The following SIPA1L1 variants were observed in gnomAD, a reference collection of about 807,000 sequenced individuals.
SIPA1L1 encodes the protein signal induced proliferation associated 1 like 1, also known as signal-induced proliferation-associated 1-like protein 1.
SIPA1L1 carries 26 observed loss-of-function variants against 162.7 expected under a neutral mutation model. The observed-to-expected ratio is 0.16, with a 90% CI of 0.12 to 0.22. The LOEUF is 0.22. Ranked by LOEUF, SIPA1L1 falls within the 10% of genes least tolerant of loss-of-function variation. The pLI is 1.00. For synonymous variants in SIPA1L1, 829 were observed against 837.4 expected (o/e 0.99, Z 0.17); for missense variants, 1,874 against 2,241.0 (o/e 0.84, Z 3.31).
intron 4 of SIPA1L1, among the ~76,000 whole-genome samples, chr14:71,583,531 G>C (rs971093141): frequency 6.6e-6 from 1 of 151,982 alleles, no homozygotes; most frequent in African/African-American, 2.4e-5. Flanking sequence ...TTCACAACAG[G>C]AACTGTAGTG....
intron 22 of SIPA1L1, 46 bp from the exon 23 acceptor site, chr14:71,738,195 G>T: frequency 4.1e-6 from 3 of 735,770 alleles, no homozygotes; most frequent in Non-Finnish European, 4.4e-6. Context: ...AACAAACCCA[G>T]CCATGGAGGC....
intron 13 of SIPA1L1, among the ~76,000 whole-genome samples, chr14:71,691,928 T>G (rs1036092920): frequency 9.2e-5 from 14 of 152,242 alleles, no homozygotes; most frequent in African/African-American, 3.4e-4. Flanking sequence ...TTTGTCCATT[T>G]CTTTAAACTT....
rs559628474 is a variant in SIPA1L1 at position 71,619,079 on chromosome 14, CAG to C, written c.1629+194_1629+195del. ...TTAGATCTGGACCTCTTCTTTTCAT[CAG>C]ACTCTGAATAGATGCAGTCTATGAA... On this transcript the variant is annotated intron_variant, in intron 6 of 23. Coordinates refer to ENST00000381232, the MANE Select transcript of SIPA1L1 (RefSeq NM_001386936.1). Among the ~76,000 whole-genome samples, 548 of 152,158 alleles carry C rather than the reference CAG, an allele frequency of 3.6e-3. 1 individual carries two copies. The highest frequency in any genetic ancestry group is 0.012 in the African/African-American group (500 of 41,520).
chr14:71,486,743 C>A (rs2048791299), intron 2 of SIPA1L1, among the ~76,000 whole-genome samples: 1 of 152,040 alleles, frequency 6.6e-6, no homozygotes, highest in Non-Finnish European at 1.5e-5. Flanking sequence ...AATTATTTCC[C>A]AGGTCATTTC....
rs570442284 is a variant in SIPA1L1 at position 71,340,582 on chromosome 14, C to T, written c.-465+19401C>T. ...GCTTTCCGATGCTCCCCTAGTTTTC[C>T]GATGCTCCCCTAACTTTCTGATGCT... On this transcript the variant is annotated intron_variant, in intron 2 of 23. Transcript: ENST00000381232. 5.9e-5 allele frequency among the ~76,000 whole-genome samples: 9 copies of T among 152,236 alleles called. No individual in the cohort carries two copies. In the East Asian group the frequency reaches 9.6e-4, roughly 16 times the overall value.
intron 5 of SIPA1L1, among the ~76,000 whole-genome samples, chr14:71,603,124 G>T (rs1229766735): frequency 6.6e-6 from 1 of 151,992 alleles, no homozygotes; most frequent in South Asian, 2.1e-4. Flanking sequence ...CTCTTACTTT[G>T]TTTGACTTAA....
At chr14:71,654,682 A>C (rs1206106061) in intron 8 of SIPA1L1, among the ~76,000 whole-genome samples, 1 of 152,238 alleles carries the variant, frequency 6.6e-6, no homozygotes, top group Non-Finnish European at 1.5e-5. Context: ...GAGGCAGATC[A>C]TGTGATTGTC....
At chr14:71,555,046 G>A (rs571591105) in intron 4 of SIPA1L1, among the ~76,000 whole-genome samples, 1 of 152,120 alleles carries the variant, frequency 6.6e-6, no homozygotes, top group Non-Finnish European at 1.5e-5. Context: ...AGGGCCCTAC[G>A]ATTTTCAGAT....
chr14:71,704,957 G>A (rs1373528185), intron 15 of SIPA1L1: 20 of 631,856 alleles, frequency 3.2e-5, no homozygotes, highest in African/African-American at 9.1e-5. Context: ...ACTTTGCTGC[G>A]TTGTTCATGG....
chr14:71,691,360 G>A (rs1238700986), intron 13 of SIPA1L1, among the ~76,000 whole-genome samples: 1 of 152,178 alleles, frequency 6.6e-6, no homozygotes, highest in African/African-American at 2.4e-5. Flanking sequence ...GGGAGGCCAA[G>A]GCTGGTGCAT....
intron 19 of SIPA1L1, among the ~76,000 whole-genome samples, chr14:71,726,117 C>T (rs1259104406): frequency 6.6e-6 from 1 of 152,162 alleles, no homozygotes; most frequent in Non-Finnish European, 1.5e-5. Context: ...ACTGAATGTA[C>T]CCCCAAGGAC....
rs759169137 is a variant in SIPA1L1 at position 71,724,831 on chromosome 14, T to A, written c.4610T>A (p.Phe1537Tyr). 6.2e-6 allele frequency: 10 copies of A among 1,613,884 alleles called. No individual in the cohort carries two copies. The highest frequency in any genetic ancestry group is 8.5e-6 in the Non-Finnish European group (10 of 1,179,946). The stretch of plus-strand genomic sequence containing the variant: ...CCAACTCCTGAATCACAGAAGAGTT[T>A]TAAGGTACAAGACAGAGCTCAGGGT... ...ESPTPESQKS[F>Y]KFHALSSPQS... Residue 1537 changes from phenylalanine to tyrosine, a missense_variant, in exon 19 of 24, where the codon TTT (phenylalanine) becomes TAT (tyrosine). Phe to Tyr is a conservative substitution (Grantham distance 22). This residue lies in a region of SIPA1L1 where 936 missense variants were observed against 1,051.9 expected (regional missense o/e 0.89). Transcript: ENST00000381232.
At chr14:71,345,345 A>C (rs1447667749) in intron 2 of SIPA1L1, among the ~76,000 whole-genome samples, 4 of 152,196 alleles carry the variant, frequency 2.6e-5, no homozygotes, top group African/African-American at 9.6e-5. Flanking sequence ...TCCTATATGC[A>C]GTGCACTGTG....
chr14:71,618,965 A>C, intron 6 of SIPA1L1, 78 bp downstream of exon 6: 1 of 1,468,424 alleles, frequency 6.8e-7, no homozygotes, highest in Middle Eastern at 1.8e-4. Context: ...CAAAGCAATT[A>C]AATTTAATAG....
intron 2 of SIPA1L1, among the ~76,000 whole-genome samples, chr14:71,469,658 C>T (rs2047296105): frequency 6.6e-6 from 1 of 152,164 alleles, no homozygotes; most frequent in African/African-American, 2.4e-5. Context: ...CTGGACTTTA[C>T]TACAGTGTGG....
intron 2 of SIPA1L1, among the ~76,000 whole-genome samples, chr14:71,346,845 C>A (rs2036215700): frequency 6.6e-6 from 1 of 152,146 alleles, no homozygotes; most frequent in South Asian, 2.1e-4. Flanking sequence ...TTAGTTATCA[C>A]CCTCCTGCCT....
chr14:71,376,475 A>G (rs2039381110), intron 2 of SIPA1L1, among the ~76,000 whole-genome samples: 1 of 150,682 alleles, frequency 6.6e-6, no homozygotes, highest in Non-Finnish European at 1.5e-5. Flanking sequence ...GATTTAAGCT[A>G]CTCTTGAAAA....
chr14:71,546,715 G>A (rs937485455), intron 4 of SIPA1L1, among the ~76,000 whole-genome samples: 1 of 152,078 alleles, frequency 6.6e-6, no homozygotes, highest in Non-Finnish European at 1.5e-5. Flanking sequence ...GGTACAATAT[G>A]ACTAACCGTG....
At chr14:71,661,594 A>G in intron 10 of SIPA1L1, 127 bp downstream of exon 10, 6 of 931,396 alleles carry the variant, frequency 6.4e-6, no homozygotes, top group Admixed American at 3.1e-5. Flanking sequence ...TCTTTAAACC[A>G]TGCATGCGGA....
Sources: allele counts gnomAD v4.1 joint callset (sites outside exome capture counted in the v4.1 genomes callset), GRCh38; gene constraint gnomAD v4.1.1; regional missense constraint gnomAD v4.1.1; transcripts MANE v1.5; gene names NCBI Gene and HGNC (gene_info 2026-07-23, HGNC 2026-07-21).